Variants in NELL1 observed in about 807,000 individuals in gnomAD.
The protein encoded by NELL1 is protein kinase C-binding protein NELL1.
NELL1 carries 76 observed loss-of-function variants against 107.4 expected under a neutral mutation model. The ratio of observed to expected loss-of-function variants is 0.71; its 90% CI spans 0.59 to 0.86. NELL1 has a LOEUF of 0.86. Ranked by LOEUF, NELL1 falls within the 40% of genes least tolerant of loss-of-function variation. The pLI, the probability that NELL1 is intolerant of heterozygous loss-of-function variation, is 0.00. For synonymous variants in NELL1, 353 were observed against 341.2 expected (o/e 1.03, Z -0.38); for missense variants, 1,024 against 1,005.5 (o/e 1.02, Z -0.25).
At chr11:20,936,219 G>A (rs377435236) in intron 9 of NELL1, among the ~76,000 whole-genome samples, 5 of 152,146 alleles carry the variant, frequency 3.3e-5, no homozygotes, top group East Asian at 1.9e-4. Flanking sequence ...GAGAAAGGGG[G>A]CCAGGACTGT....
chr11:20,794,005 G>C, intron 3 of NELL1, among the ~76,000 whole-genome samples: 1 of 152,182 alleles, frequency 6.6e-6, no homozygotes, highest in Non-Finnish European at 1.5e-5. Context: ...TATGTGTATT[G>C]ATTAACTGAT....
At chr11:20,820,983 A>G (rs1037719102) in intron 3 of NELL1, among the ~76,000 whole-genome samples, 7 of 152,236 alleles carry the variant, frequency 4.6e-5, no homozygotes, top group Admixed American at 2.6e-4. Context: ...GTTCACTGCT[A>G]TATCCCAAGC....
chr11:21,214,842 T>G (rs968282501), intron 13 of NELL1, among the ~76,000 whole-genome samples: 2 of 152,152 alleles, frequency 1.3e-5, no homozygotes, highest in African/African-American at 4.8e-5. Context: ...GAGATTGTGT[T>G]GGTGGTTTTG....
chr11:20,788,991 C>T (rs1857023058), intron 3 of NELL1, among the ~76,000 whole-genome samples: 1 of 152,166 alleles, frequency 6.6e-6, no homozygotes, highest in Admixed American at 6.5e-5. Context: ...TTGTTGAAGA[C>T]TGCTTTTCTT....
intron 15 of NELL1, among the ~76,000 whole-genome samples, chr11:21,446,984 C>T (rs1203915851): frequency 6.6e-6 from 1 of 152,194 alleles, no homozygotes; most frequent in East Asian, 1.9e-4. Flanking sequence ...CCTGAAACCA[C>T]AAGACAGAGT....
intron 5 of NELL1, among the ~76,000 whole-genome samples, chr11:20,914,348 TA>T (rs1448060425): frequency 2.4e-4 from 36 of 152,088 alleles, no homozygotes; most frequent in African/African-American, 8.4e-4. Flanking sequence ...TCTGGAAGGG[TA>T]GGACAACCAG....
chr11:20,949,833 T>C (rs1399074560), intron 11 of NELL1, among the ~76,000 whole-genome samples: 1 of 152,204 alleles, frequency 6.6e-6, no homozygotes, highest in Admixed American at 6.5e-5. Context: ...GAAGACTTCA[T>C]AGATTTGATC....
intron 13 of NELL1, among the ~76,000 whole-genome samples, chr11:21,138,238 C>T (rs944117178): frequency 1.2e-4 from 19 of 152,030 alleles, no homozygotes; most frequent in Non-Finnish European, 2.2e-4. Context: ...TAGGGCATTG[C>T]GGGGATTACT....
chr11:21,354,941 C>A (rs970323330), intron 14 of NELL1, among the ~76,000 whole-genome samples: 1 of 152,100 alleles, frequency 6.6e-6, no homozygotes, highest in African/African-American at 2.4e-5. Flanking sequence ...ACCTTCTTAC[C>A]TGGGGCTTTC....
At chr11:20,960,012 T>C (rs1007010278) in intron 11 of NELL1, among the ~76,000 whole-genome samples, 1 of 152,088 alleles carries the variant, frequency 6.6e-6, no homozygotes, top group Non-Finnish European at 1.5e-5. Context: ...GGGAGATTCA[T>C]TGGGGAGGTA....
intron 14 of NELL1, among the ~76,000 whole-genome samples, chr11:21,232,153 A>AAT (rs1858072716): frequency 1.7e-4 from 4 of 24,118 alleles, no homozygotes; most frequent in Non-Finnish European, 3.7e-4. Context: ...AAAATAAAAA[A>AAT]AAAAAAATAT....
chr11:20,942,446 G>C (rs1850875268), intron 10 of NELL1, among the ~76,000 whole-genome samples: 1 of 152,134 alleles, frequency 6.6e-6, no homozygotes, highest in Non-Finnish European at 1.5e-5. Flanking sequence ...TCTCTTGACT[G>C]ACAAGGAGGC....
chr11:21,103,626 A>C (rs1320387947), intron 12 of NELL1, among the ~76,000 whole-genome samples: 1 of 152,226 alleles, frequency 6.6e-6, no homozygotes, highest in Non-Finnish European at 1.5e-5. Flanking sequence ...AGGTACAATC[A>C]GAGATAAAGA....
chr11:20,722,576 A>G (rs554785496), intron 2 of NELL1, among the ~76,000 whole-genome samples: 1 of 152,330 alleles, frequency 6.6e-6, no homozygotes, highest in East Asian at 1.9e-4. Flanking sequence ...TTCTCATTGT[A>G]GTTAGCTGAG....
Position 20,736,235 on chromosome 11 carries a change from T to C in NELL1, c.185-47445T>C, listed in dbSNP as rs942503580. On this transcript the variant is annotated intron_variant, in intron 2 of 19. Coordinates refer to ENST00000357134, the MANE Select transcript of NELL1 (RefSeq NM_006157.5). ...TGAGGCCATGTGATTGGCTAGAGCA[T>C]GCCTTCTCACATGCTCTCCAAACAC... Among the ~76,000 whole-genome samples, 4 of 152,096 alleles carry C rather than the reference T, an allele frequency of 2.6e-5. No individual in the cohort carries two copies. The South Asian group carries it at 8.3e-4, about 32-fold the overall frequency.
At chr11:21,309,260 GTATATATATATA>G (rs35920508) in intron 14 of NELL1, among the ~76,000 whole-genome samples, 1 of 99,668 alleles carries the variant, frequency 1.0e-5, no homozygotes, top group Non-Finnish European at 1.9e-5. Flanking sequence ...ATATATATAT[GTATATATATATA>G]TATATATGTA....
chr11:21,110,516 G>A (rs975760548), intron 12 of NELL1, among the ~76,000 whole-genome samples: 1 of 152,234 alleles, frequency 6.6e-6, no homozygotes, highest in South Asian at 2.1e-4. Flanking sequence ...ATCTAGATGA[G>A]GCAGAGGCCT....
At chr11:21,229,157 A>T (rs748161890) in intron 13 of NELL1, among the ~76,000 whole-genome samples, 175 bp from the exon 14 acceptor site, 2 of 152,196 alleles carry the variant, frequency 1.3e-5, no homozygotes, top group African/African-American at 2.4e-5. Context: ...AGTAGGGATA[A>T]TAACATCTTT....
chr11:20,897,006 C>T (rs981234510), intron 5 of NELL1, among the ~76,000 whole-genome samples: 1 of 152,156 alleles, frequency 6.6e-6, no homozygotes, highest in Non-Finnish European at 1.5e-5. Flanking sequence ...TTTATAGATT[C>T]AGTGCCATCC....
Sources: allele counts gnomAD v4.1 joint callset (sites outside exome capture counted in the v4.1 genomes callset), GRCh38; gene constraint gnomAD v4.1.1; transcripts MANE v1.5; gene names NCBI Gene and HGNC (gene_info 2026-07-23, HGNC 2026-07-21).